EPHX3: variants seen among roughly 807,000 people sequenced by gnomAD.
EPHX3 encodes epoxide hydrolase 3.
EPHX3 carries 39 observed loss-of-function variants against 40.2 expected under a neutral mutation model. The ratio of observed to expected loss-of-function variants is 0.97; its 90% confidence interval spans 0.75 to 1.27. The LOEUF is 1.27. Ranked by LOEUF, EPHX3 falls within the 50% of genes most tolerant of loss-of-function variation. EPHX3 has a pLI of 0.00. For missense variants in EPHX3, 442 were observed against 474.0 expected, an observed-to-expected ratio of 0.93 and a Z score of 0.63; for synonymous variants, 213 against 209.7, an observed-to-expected ratio of 1.02 and a Z score of -0.14.
upstream of EPHX3, among the ~76,000 whole-genome samples, chr19:15,235,004 GTT>G (rs1568373897): frequency 6.6e-6 from 1 of 151,788 alleles, no homozygotes; most frequent in East Asian, 1.9e-4. Flanking sequence ...GGGTTTTTTT[GTT>G]TTTGTTTTTT....
At chr19:15,230,566 C>T (rs979486985) in intron 4 of EPHX3, among the ~76,000 whole-genome samples, 4 of 152,066 alleles carry the variant, frequency 2.6e-5, no homozygotes, top group African/African-American at 9.7e-5. Context: ...CTGCAACCTC[C>T]ACCTCCCAGG....
In EPHX3 at chr19:15,227,215, T is replaced by C. The variant is rs562600102; in HGVS notation, c.*222A>G. 1.9e-6 allele frequency: 1 copy of C among 538,568 alleles called. No homozygotes were observed. Among genetic ancestry groups the C allele is most frequent in the East Asian group, 3.0e-5 (1 of 33,020 alleles). 33.4% of individuals were successfully genotyped at this position (538,568 alleles called of 1,614,324 possible). ...ACCCAGTTCCCAGGGTCAAAGTGTT[T>C]GTTACACACACATGCATCCATGCCT... is the stretch of plus-strand genomic sequence containing the variant. On this transcript the variant is annotated 3_prime_UTR_variant, in exon 7 of 7. Coordinates refer to ENST00000221730, the MANE Select transcript of EPHX3 (RefSeq NM_024794.3).
Position 15,227,517 on chromosome 19 carries a change from T to C in EPHX3, c.1003A>G (p.Ile335Val), listed in dbSNP as rs746488629. 2.5e-6 allele frequency: 4 copies of C among 1,614,166 alleles called. No homozygotes were observed. In the South Asian group the frequency reaches 3.3e-5, roughly 13 times the overall value. ...GRLEAHILPGIGHWIPQSNPQ... is the reference protein window; with the variant it reads ...GRLEAHILPGVGHWIPQSNPQ... ...TTGCTCTGTGGGATCCAATGCCCTA[T>C]GCCTGGCAGGATGTGGGCCTCCAAG... Residue 335 changes from isoleucine to valine, a missense_variant, in exon 7 of 7, where the codon ATA (isoleucine) becomes GTA (valine). Ile to Val is a conservative substitution (Grantham distance 29, BLOSUM62 3). Transcript: ENST00000221730.
In EPHX3 at chr19:15,231,968, C is replaced by A; in HGVS notation, c.243+1G>T. On this transcript the variant is annotated splice_donor_variant, in intron 1 of 6. Transcript: ENST00000221730. LOFTEE classifies it high-confidence loss of function. ...CCCCGATAGCGCCCCCGTGCGATCA[C>A]CTTGAGGTTCAGGAAACCGTGCTCA... 6.2e-7 allele frequency: 1 copy of A among 1,612,096 alleles called. No homozygotes were observed. The highest frequency in any genetic ancestry group is 8.5e-7 in the Non-Finnish European group (1 of 1,179,842).
At position 15,227,076 on chromosome 19, in the gene EPHX3, G is replaced by C. The variant is rs2047117233; in HGVS notation, c.*361C>G. 2 of 302,848 alleles carry C rather than the reference G, an allele frequency of 6.6e-6. No homozygotes were observed. The allele number at this position is 302,848 out of a possible 1,614,324, so 18.8% of individuals were successfully genotyped here. A position where few individuals can be genotyped will look rare whatever the true frequency, so the allele number is the denominator to read the frequency against. ...CAGGGACAGGAAGGTCAGGGTTTAA[G>C]GTCTGTGCAGCTATGGCAGAGAAGC... is the stretch of plus-strand genomic sequence containing the variant. On this transcript the variant is annotated 3_prime_UTR_variant, in exon 7 of 7. Transcript: ENST00000221730.
At chr19:15,230,935 C>T in intron 4 of EPHX3, 27 bp downstream of exon 4, 3 of 1,611,812 alleles carry the variant, frequency 1.9e-6, no homozygotes, top group Non-Finnish European at 1.7e-6. Context: ...ATAAGTACAT[C>T]CCAGTGTCCC....
upstream of EPHX3, among the ~76,000 whole-genome samples, chr19:15,235,104 C>G (rs1422891640): frequency 6.6e-6 from 1 of 152,004 alleles, no homozygotes; most frequent in Non-Finnish European, 1.5e-5. Flanking sequence ...AGTGTTCAAG[C>G]AATTCTCCTG....
upstream of EPHX3, chr19:15,232,484 G>T: frequency 7.8e-7 from 1 of 1,279,950 alleles, no homozygotes; most frequent in Non-Finnish European, 9.9e-7. Context: ...GGTTGGAAAG[G>T]GGGGAAATAA....
At chr19:15,228,184 C>G in intron 4 of EPHX3, 84 bp from the exon 5 acceptor site, 1 of 1,102,920 alleles carries the variant, frequency 9.1e-7, no homozygotes, top group Non-Finnish European at 1.3e-6. Context: ...ATACCCAGGT[C>G]AGGGACACAA....
Position 15,232,308 on chromosome 19 carries a change from C to A in EPHX3, c.-97G>T. 7.2e-7 allele frequency: 1 copy of A among 1,388,698 alleles called. No individual in the cohort carries two copies. The highest frequency in any genetic ancestry group is 9.2e-7 in the Non-Finnish European group (1 of 1,082,966). The allele number at this position is 1,388,698 out of a possible 1,614,324, so 86.0% of individuals were successfully genotyped here. On this transcript the variant is annotated 5_prime_UTR_variant, in exon 1 of 7. It adds an upstream start codon to the 5' untranslated region. Transcript: ENST00000221730. ...GGCTCAGGGGCCCATCGCCCTTGGC[C>A]TGGGGCCCCTCCGTGCCGTCGGGAT...
At position 15,227,490 on chromosome 19, in the gene EPHX3, G is replaced by T. The variant is rs751003614; in HGVS notation, c.1030C>A (p.Pro344Thr). The stretch of plus-strand genomic sequence containing the variant: ...CACATGTACTGGTGCATCTCCTGGG[G>T]GTTGCTCTGTGGGATCCAATGCCCT... ...GIGHWIPQSN[P>T]QEMHQYMWAF... The change falls in exon 7 of 7, where the codon CCC becomes ACC. Residue 344 changes from proline (P) to threonine (T), a missense_variant. Physicochemically the swap from Pro to Thr is conservative, Grantham distance 38. Coordinates refer to ENST00000221730, the MANE Select transcript of EPHX3 (RefSeq NM_024794.3). The T allele has an allele frequency of 3.1e-6, 5 of 1,614,154 alleles. No individual in the cohort carries two copies. The highest frequency in any genetic ancestry group is 4.2e-6 in the Non-Finnish European group (5 of 1,180,038).
chr19:15,232,452 G>A, upstream of EPHX3: 1 of 1,340,180 alleles, frequency 7.5e-7, no homozygotes, highest in Non-Finnish European at 9.5e-7. Context: ...CAAGGGTAGG[G>A]TGCGGAGGCT....
Position 15,227,355 on chromosome 19 carries a change from A to G in EPHX3, c.*82T>C, listed in dbSNP as rs992600546. ...GAGTTCACCCATGTATGGACATTGTATGGACTCCCAGGCACACACAGATAA... is the reference window on the plus strand; with the variant it reads ...GAGTTCACCCATGTATGGACATTGTGTGGACTCCCAGGCACACACAGATAA... On this transcript the variant is annotated 3_prime_UTR_variant, in exon 7 of 7. Coordinates refer to ENST00000221730, the MANE Select transcript of EPHX3 (RefSeq NM_024794.3). 4 of 1,160,276 alleles carry G rather than the reference A, an allele frequency of 3.4e-6. No homozygotes were observed. Among genetic ancestry groups the G allele is most frequent in the Non-Finnish European group, 2.6e-6 (2 of 781,900 alleles). 71.9% of individuals were successfully genotyped at this position (1,160,276 alleles called of 1,614,324 possible). A position where few individuals can be genotyped will look rare whatever the true frequency, so the allele number is the denominator to read the frequency against.
upstream of EPHX3, among the ~76,000 whole-genome samples, chr19:15,235,341 T>C (rs2047184302): frequency 6.6e-6 from 1 of 151,956 alleles, no homozygotes; most frequent in Non-Finnish European, 1.5e-5. Flanking sequence ...AAATCAATTA[T>C]CTCACAATTT....
chr19:15,232,105 GC>G lies in EPHX3; in HGVS notation c.106del (p.Ala36ArgfsTer7). The stretch of plus-strand genomic sequence containing the variant: ...GAGCGCTATGCAGCCGTAGACCGCC[GC>G]GGCCACCAGCGCCACCGAGAACACC... ...SLVFSVALVA[A>X]AVYGCIALTH... On this transcript the variant is annotated frameshift_variant, in exon 1 of 7. Coordinates refer to ENST00000221730, the MANE Select transcript of EPHX3 (RefSeq NM_024794.3). LOFTEE classifies it high-confidence loss of function. 1 of 1,516,588 alleles carries G rather than the reference GC, an allele frequency of 6.6e-7. No individual in the cohort carries two copies. Among genetic ancestry groups the G allele is most frequent in the South Asian group, 1.2e-5 (1 of 82,766 alleles). The allele number at this position is 1,516,588 out of a possible 1,614,324, so 93.9% of individuals were successfully genotyped here. A position where few individuals can be genotyped will look rare whatever the true frequency, so the allele number is the denominator to read the frequency against.
rs1318827330 is a variant in EPHX3, at chr19:15,231,325, T to TA, written c.400dup (p.Tyr134LeufsTer40). ...ATCCCGAGGTGCATCCGAGGGGCCA[T>TA]AGCCTCGCAAGTCCACAGCCACAAC... On this transcript the variant is annotated frameshift_variant, in exon 3 of 7. Coordinates refer to ENST00000221730, the MANE Select transcript of EPHX3 (RefSeq NM_024794.3). LOFTEE classifies it high-confidence loss of function. 6.2e-7 allele frequency: 1 copy of TA among 1,613,918 alleles called. No individual in the cohort carries two copies. Among genetic ancestry groups the TA allele is most frequent in the Non-Finnish European group, 8.5e-7 (1 of 1,180,016 alleles).
chr19:15,230,925 A>G lies in EPHX3; in HGVS notation c.616+37T>C, dbSNP rs761684745. On this transcript the variant is annotated intron_variant, in intron 4 of 6. Transcript: ENST00000221730. ...GACACATGTCCCTGCCCCCTTGCAC[A>G]TAAGTACATCCCAGTGTCCCGGACT... is the stretch of plus-strand genomic sequence containing the variant. 9.9e-6 allele frequency: 16 copies of G among 1,609,006 alleles called. No individual in the cohort carries two copies. The African/African-American group carries it at 1.7e-4, about 17-fold the overall frequency.
chr19:15,227,558 C>T lies in EPHX3; in HGVS notation c.962G>A (p.Arg321His), dbSNP rs1226054291. The T allele has an allele frequency of 1.2e-5, 20 of 1,613,820 alleles. No homozygotes were observed. The East Asian group carries it at 2.7e-4, about 22-fold the overall frequency. Residue 321 changes from arginine to histidine, a missense_variant, in exon 7 of 7, where the codon CGC becomes CAC. Physicochemically the swap from Arg to His is conservative, Grantham distance 29 (BLOSUM62 0). Coordinates refer to ENST00000221730, the MANE Select transcript of EPHX3 (RefSeq NM_024794.3). ...GGCCTCCAAGCGGCCCGGCACAAAG[C>T]GGCTGCCGATGGCTTCCACCAGCCC... ...ELGLVEAIGS[R>H]FVPGRLEAHI... is the part of the protein sequence containing the mutation.
In EPHX3 at chr19:15,228,090, C is replaced by A. The variant is rs774195529; in HGVS notation, c.627G>T (p.Leu209=). The change falls in exon 5 of 7, where the codon CTG becomes CTT. Residue 209 remains leucine (L), a synonymous_variant. Coordinates refer to ENST00000221730, the MANE Select transcript of EPHX3 (RefSeq NM_024794.3). ...AACGGAAGAACTGGCTGATGTGGTG[C>A]AGGGAATAGTCTGGGGTGGGAGGGT... ...APMSVYQDYS[L]HHISQFFRSH... 11 of 1,169,374 alleles carry A rather than the reference C, an allele frequency of 9.4e-6. No individual in the cohort carries two copies. Among genetic ancestry groups the A allele is most frequent in the Non-Finnish European group, 1.2e-5 (10 of 819,350 alleles). 72.4% of individuals were successfully genotyped at this position (1,169,374 alleles called of 1,614,324 possible). A position where few individuals can be genotyped will look rare whatever the true frequency, so the allele number is the denominator to read the frequency against.
Sources: gnomAD v4.1 joint callset for allele counts (sites outside exome capture counted in the v4.1 genomes callset) on GRCh38, gnomAD v4.1.1 for gene constraint, MANE v1.5 for transcripts, NCBI Gene and HGNC (gene_info 2026-07-23, HGNC 2026-07-21) for gene names.